CADM2: variants seen among roughly 807,000 people sequenced by gnomAD.
CADM2 encodes cell adhesion molecule 2, also known as immunoglobulin superfamily member 4D.
A neutral mutation model predicts 49.8 loss-of-function variants in CADM2; 12 were observed. The observed-to-expected ratio is 0.24, with a 90% CI of 0.15 to 0.39. The LOEUF (loss-of-function observed/expected upper bound fraction) is 0.39. CADM2 is among the 10% of genes least tolerant of loss of function. The probability of loss-of-function intolerance (pLI) is 1.00; values close to 1 mark genes in which losing one functional copy is unlikely to be tolerated. For missense variants in CADM2, 378 were observed against 492.3 expected (o/e 0.77, Z 2.20); for synonymous variants, 214 against 175.4 (o/e 1.22, Z -1.74).
chr3:85,073,149 A>G (rs892411065), intron 1 of CADM2, among the ~76,000 whole-genome samples: 3 of 152,156 alleles, frequency 2.0e-5, no homozygotes, highest in Non-Finnish European at 2.9e-5. Flanking sequence ...ATGGACATTT[A>G]TTTGATGTGA....
intron 1 of CADM2, among the ~76,000 whole-genome samples, chr3:85,437,290 A>G (rs2036975967): frequency 6.6e-6 from 1 of 152,182 alleles, no homozygotes; most frequent in Non-Finnish European, 1.5e-5. Context: ...AGTTTTGGCA[A>G]TGATGAAAAA....
chr3:85,619,758 A>T (rs1318577527), intron 1 of CADM2, among the ~76,000 whole-genome samples: 1 of 152,158 alleles, frequency 6.6e-6, no homozygotes, highest in Non-Finnish European at 1.5e-5. Context: ...GTCCCACAGA[A>T]AAAGGTTTAG....
Position 85,512,315 on chromosome 3 carries a change from G to A in CADM2, c.62-214207G>A, listed in dbSNP as rs114935441. Among the ~76,000 whole-genome samples, 1,312 of 152,186 alleles carry A rather than the reference G, an allele frequency of 8.6e-3. 26 individuals are homozygous for A. The highest frequency in any genetic ancestry group is 0.031 in the African/African-American group (1,268 of 41,550). ...AATTCACTTAGGAGAATGGCCTCCAGCTGAAACAATGTTGCTGCAAAGGGC... is the reference window on the plus strand; with the variant it reads ...AATTCACTTAGGAGAATGGCCTCCAACTGAAACAATGTTGCTGCAAAGGGC... On this transcript the variant is annotated intron_variant, in intron 1 of 9. Coordinates refer to ENST00000383699, the MANE Select transcript of CADM2 (RefSeq NM_001167675.2).
chr3:85,483,025 A>T (rs2039275381), intron 1 of CADM2, among the ~76,000 whole-genome samples: 2 of 151,626 alleles, frequency 1.3e-5, no homozygotes, highest in Non-Finnish European at 3.0e-5. Context: ...TTGACTAAAA[A>T]ACACCCATAA....
intron 1 of CADM2, among the ~76,000 whole-genome samples, chr3:85,245,346 A>G (rs556831073): frequency 6.6e-6 from 1 of 152,096 alleles, no homozygotes; most frequent in East Asian, 1.9e-4. Flanking sequence ...CCCCGTCTCT[A>G]CTAAAAATAC....
intron 1 of CADM2, among the ~76,000 whole-genome samples, chr3:84,968,746 T>C (rs952965513): frequency 6.6e-6 from 1 of 152,020 alleles, no homozygotes; most frequent in East Asian, 1.9e-4. Context: ...GAATCAGAAA[T>C]TGTTCCTAAG....
At chr3:84,988,358 G>A (rs934369660) in intron 1 of CADM2, among the ~76,000 whole-genome samples, 2 of 152,226 alleles carry the variant, frequency 1.3e-5, no homozygotes, top group Non-Finnish European at 2.9e-5. Flanking sequence ...GTTCTAGCCA[G>A]TGCTAATTTG....
intron 1 of CADM2, among the ~76,000 whole-genome samples, chr3:85,564,963 G>A (rs1422301672): frequency 2.6e-5 from 4 of 152,066 alleles, no homozygotes; most frequent in South Asian, 2.1e-4. Context: ...TATATAGCTC[G>A]AAGCTTTAGA....
At chr3:85,161,124 C>A (rs978364301) in intron 1 of CADM2, among the ~76,000 whole-genome samples, 1 of 152,098 alleles carries the variant, frequency 6.6e-6, no homozygotes, top group African/African-American at 2.4e-5. Context: ...TAATATTGAA[C>A]GCTTTAGCTA....
chr3:85,299,359 T>G (rs1342177802), intron 1 of CADM2, among the ~76,000 whole-genome samples: 2 of 152,064 alleles, frequency 1.3e-5, no homozygotes, highest in Admixed American at 6.6e-5. Context: ...TTTTTATCGT[T>G]TTTAGGATCA....
At chr3:85,684,274 C>A (rs2066132339) in intron 1 of CADM2, among the ~76,000 whole-genome samples, 1 of 152,046 alleles carries the variant, frequency 6.6e-6, no homozygotes, top group Non-Finnish European at 1.5e-5. Flanking sequence ...CATACTTAAC[C>A]TGGTGATGCA....
intron 1 of CADM2, among the ~76,000 whole-genome samples, chr3:85,329,302 C>G (rs371387264): frequency 2.2e-4 from 34 of 151,286 alleles, no homozygotes; most frequent in Non-Finnish European, 4.6e-4. Flanking sequence ...TTTCGGAGGC[C>G]GAGGGAGGAA....
At chr3:85,150,602 T>C (rs997116031) in intron 1 of CADM2, among the ~76,000 whole-genome samples, 3 of 152,104 alleles carry the variant, frequency 2.0e-5, no homozygotes, top group African/African-American at 7.2e-5. Flanking sequence ...TGAAATTCAA[T>C]CCATTAAGAA....
intron 1 of CADM2, among the ~76,000 whole-genome samples, chr3:85,152,189 C>G (rs2039944156): frequency 6.6e-6 from 1 of 152,088 alleles, no homozygotes; most frequent in Non-Finnish European, 1.5e-5. Flanking sequence ...AAACATATTT[C>G]ATATAATTTA....
chr3:85,467,004 T>G (rs1180759992), intron 1 of CADM2, among the ~76,000 whole-genome samples: 1 of 152,204 alleles, frequency 6.6e-6, no homozygotes, highest in Non-Finnish European at 1.5e-5. Flanking sequence ...ATTCTGTAAA[T>G]TTTATGTGGA....
intron 1 of CADM2, among the ~76,000 whole-genome samples, chr3:85,677,977 C>G (rs2065933247): frequency 6.6e-6 from 1 of 152,094 alleles, no homozygotes; most frequent in Non-Finnish European, 1.5e-5. Context: ...TTTACTATGC[C>G]TACAACTATG....
intron 1 of CADM2, among the ~76,000 whole-genome samples, chr3:85,602,075 T>C (rs1340560147): frequency 1.3e-5 from 2 of 151,808 alleles, no homozygotes; most frequent in Non-Finnish European, 2.9e-5. Flanking sequence ...AAAGCAATTA[T>C]CATTAAAGAC....
In CADM2 at chr3:84,995,009, G is replaced by A. The variant is rs554006487; in HGVS notation, c.61+35341G>A. Among the ~76,000 whole-genome samples, 12 of 152,176 alleles carry A rather than the reference G, an allele frequency of 7.9e-5. No individual in the cohort carries two copies. The South Asian group carries it at 1.2e-3, about 16-fold the overall frequency. ...TGAACCGTTGCACTCCAGCCTGGGCGACAGTGTGAGACTCTGTCTCAAAAA... is the reference window on the plus strand; with the variant it reads ...TGAACCGTTGCACTCCAGCCTGGGCAACAGTGTGAGACTCTGTCTCAAAAA... On this transcript the variant is annotated intron_variant, in intron 1 of 9. Coordinates refer to ENST00000383699, the MANE Select transcript of CADM2 (RefSeq NM_001167675.2).
At chr3:85,710,744 C>A (rs2067093292) in intron 1 of CADM2, among the ~76,000 whole-genome samples, 1 of 152,188 alleles carries the variant, frequency 6.6e-6, no homozygotes, top group African/African-American at 2.4e-5. Flanking sequence ...TTATAATTTA[C>A]TCATTGCATT....
Sources: gnomAD v4.1 joint callset for allele counts (sites outside exome capture counted in the v4.1 genomes callset) on GRCh38, gnomAD v4.1.1 for gene constraint, MANE v1.5 for transcripts, NCBI Gene and HGNC (gene_info 2026-07-23, HGNC 2026-07-21) for gene names.